The following RGS6 variants were observed in gnomAD, a reference collection of about 807,000 sequenced individuals.
RGS6 encodes regulator of G-protein signaling 6.
RGS6 carries 30 observed loss-of-function variants against 78.5 expected under a neutral mutation model. That is an observed-to-expected ratio of 0.38 (90% CI 0.29 to 0.52). The LOEUF is 0.52. RGS6 is among the 20% of genes least tolerant of loss of function. The probability of loss-of-function intolerance (pLI) is 0.85; values close to 1 mark genes in which losing one functional copy is unlikely to be tolerated. For synonymous variants in RGS6, 206 were observed against 206.0 expected (o/e 1.00, Z 0.00); for missense variants, 495 against 609.7 (o/e 0.81, Z 1.98).
intron 12 of RGS6, among the ~76,000 whole-genome samples, chr14:72,485,642 G>A (rs2096474206): frequency 6.6e-6 from 1 of 152,130 alleles, no homozygotes; most frequent in Non-Finnish European, 1.5e-5. Flanking sequence ...CAACTGTATT[G>A]GTTTGATTCC....
At chr14:72,293,552 A>G (rs1171222260) in intron 2 of RGS6, among the ~76,000 whole-genome samples, 1 of 152,132 alleles carries the variant, frequency 6.6e-6, no homozygotes, top group Non-Finnish European at 1.5e-5. Context: ...AAATAGAAAC[A>G]AAATTCCATA....
chr14:72,537,511 C>T (rs986667375), intron 16 of RGS6: 4 of 702,222 alleles, frequency 5.7e-6, no homozygotes, highest in Non-Finnish European at 1.0e-5. Context: ...TGCATCCCTC[C>T]CCACAGGTGT....
chr14:72,415,522 G>A (rs11627474), intron 3 of RGS6, among the ~76,000 whole-genome samples: 6,961 of 152,290 alleles, frequency 0.046, 349 homozygotes, highest in African/African-American at 0.13. Flanking sequence ...TTTGGCTCAC[G>A]CACGGTGCGC....
At chr14:72,476,920 T>C (rs1285159757) in intron 11 of RGS6, 80 bp downstream of exon 11, 16 of 1,269,614 alleles carry the variant, frequency 1.3e-5, no homozygotes, top group Non-Finnish European at 1.7e-5. Flanking sequence ...ACTCTGAAGA[T>C]TGAGCAAGCT....
chr14:72,166,219 C>G (rs1487575835), intron 2 of RGS6, among the ~76,000 whole-genome samples: 1 of 151,820 alleles, frequency 6.6e-6, no homozygotes. Flanking sequence ...TATCTTCCTG[C>G]CTTCAAAATC....
chr14:71,869,374 C>A, the RGS6 span, among the ~76,000 whole-genome samples: 4 of 152,212 alleles, frequency 2.6e-5, no homozygotes, highest in African/African-American at 9.6e-5. Flanking sequence ...CAGCCCCCAG[C>A]TCCAATGTGA....
chr14:72,307,234 C>T (rs1293842304), intron 2 of RGS6, among the ~76,000 whole-genome samples: 1 of 134,414 alleles, frequency 7.4e-6, no homozygotes, highest in East Asian at 2.2e-4. Context: ...CTATTGCACA[C>T]TCAATCAACT....
intron 2 of RGS6, among the ~76,000 whole-genome samples, chr14:72,039,207 C>T (rs570403841): frequency 6.6e-6 from 1 of 152,244 alleles, no homozygotes; most frequent in East Asian, 1.9e-4. Flanking sequence ...AAAGAGGAAG[C>T]AGAGGAAAAG....
the RGS6 span, among the ~76,000 whole-genome samples, chr14:72,587,351 G>A: frequency 3.3e-5 from 5 of 152,078 alleles, 1 homozygote; most frequent in South Asian, 1.0e-3. Context: ...GATCAGAACT[G>A]GTAACTGAGG....
chr14:72,208,041 G>T (rs990333351), intron 2 of RGS6, among the ~76,000 whole-genome samples: 2 of 152,158 alleles, frequency 1.3e-5, no homozygotes, highest in African/African-American at 4.8e-5. Flanking sequence ...ACCTAGTTTG[G>T]TTGAAGTTGG....
In RGS6 at chr14:72,563,073, C is replaced by G; in HGVS notation, c.*606C>G. 2.4e-6 allele frequency: 1 copy of G among 413,546 alleles called. No homozygotes were observed. The highest frequency in any genetic ancestry group is 4.5e-6 in the Non-Finnish European group (1 of 221,194). The allele number at this position is 413,546 out of a possible 1,614,324, so 25.6% of individuals were successfully genotyped here. ...AGCAAGAAAGCAACCTCACGGATTG[C>G]CCCGCCTCAAGGTCTTTCCACCCTC... On this transcript the variant is annotated 3_prime_UTR_variant, in exon 18 of 18. Coordinates refer to ENST00000553525, the MANE Select transcript of RGS6 (RefSeq NM_001204424.2).
chr14:71,890,076 C>T, the RGS6 span, among the ~76,000 whole-genome samples: 1 of 152,134 alleles, frequency 6.6e-6, no homozygotes, highest in Admixed American at 6.5e-5. Context: ...ACCATTCTTT[C>T]TGTATAGCCT....
rs559591042 is a variant in RGS6 at position 72,073,218 on chromosome 14, C to T, written c.84+108343C>T. Among the ~76,000 whole-genome samples, 5 of 152,258 alleles carry T rather than the reference C, an allele frequency of 3.3e-5. No individual in the cohort carries two copies. The East Asian group carries it at 9.6e-4, about 29-fold the overall frequency. ...CATTGTTATGAGGATTAAAGGGGTA[C>T]AGTAAGTCCTTATTTAACGTTGTCT... On this transcript the variant is annotated intron_variant, in intron 2 of 17. Transcript: ENST00000553525.
Position 72,540,021 on chromosome 14 carries a change from C to CTTT in RGS6, c.1369-10_1369-8dup. ...TTTTTTCTGTATTTTTCTCCCTACC[C>CTTT]TTTTTTTTTTTTCCTAAAGCCAGAA... On this transcript the variant is annotated intron_variant, in intron 16 of 17. Transcript: ENST00000553525. 1.8e-5 allele frequency: 21 copies of CTTT among 1,186,958 alleles called. No individual in the cohort carries two copies. Among genetic ancestry groups the CTTT allele is most frequent in the Admixed American group, 5.0e-5 (2 of 39,788 alleles). 73.5% of individuals were successfully genotyped at this position (1,186,958 alleles called of 1,614,324 possible).
At chr14:72,542,290 G>T (rs2097337710) in intron 17 of RGS6, among the ~76,000 whole-genome samples, 1 of 152,200 alleles carries the variant, frequency 6.6e-6, no homozygotes. Context: ...TATGACCCAT[G>T]TGTTGGCTCT....
the RGS6 span, among the ~76,000 whole-genome samples, chr14:71,895,572 A>C: frequency 6.6e-6 from 1 of 152,178 alleles, no homozygotes; most frequent in Non-Finnish European, 1.5e-5. Context: ...AGCAACTCCC[A>C]GTGTTGATGA....
intron 1 of RGS6, among the ~76,000 whole-genome samples, chr14:71,946,843 A>C (rs1306737466): frequency 6.6e-6 from 1 of 152,234 alleles, no homozygotes; most frequent in Non-Finnish European, 1.5e-5. Context: ...TGGCAGGAGG[A>C]GTCCGTGTTG....
At chr14:72,585,673 C>T in the RGS6 span, among the ~76,000 whole-genome samples, 1 of 152,226 alleles carries the variant, frequency 6.6e-6, no homozygotes, top group African/African-American at 2.4e-5. Context: ...AAGGGCAATT[C>T]TCCCAGGAGC....
chr14:72,529,769 A>G (rs1410578224), intron 15 of RGS6, among the ~76,000 whole-genome samples: 1 of 152,218 alleles, frequency 6.6e-6, no homozygotes, highest in African/African-American at 2.4e-5. Flanking sequence ...TTGTAGCAGG[A>G]TAGGTCATCC....
Sources: allele counts gnomAD v4.1 joint callset (sites outside exome capture counted in the v4.1 genomes callset), GRCh38; gene constraint gnomAD v4.1.1; transcripts MANE v1.5; gene names NCBI Gene and HGNC (gene_info 2026-07-23, HGNC 2026-07-21).